Variants in BACE1 observed in about 807,000 individuals in gnomAD.
BACE1 encodes the protein beta-secretase 1.
A neutral mutation model predicts 54.0 loss-of-function variants in BACE1; 21 were observed. The observed-to-expected ratio is 0.39, with a 90% CI of 0.28 to 0.56. The LOEUF is 0.56. BACE1 is among the 20% of genes least tolerant of loss of function. BACE1 has a pLI of 0.63. For missense variants in BACE1, 511 were observed against 661.2 expected (o/e 0.77, Z 2.49); for synonymous variants, 232 against 260.9 (o/e 0.89, Z 1.07).
Position 117,315,461 on chromosome 11 carries a change from G to A in BACE1, c.261+74C>T. On this transcript the variant is annotated intron_variant, in intron 1 of 8. Coordinates refer to ENST00000313005, the MANE Select transcript of BACE1 (RefSeq NM_012104.6). The surrounding 1 kb of genome is among the most constrained non-coding windows in gnomAD (Gnocchi z 5.5). ...CACCAGCCCATTTGAGCAGGGGCTA[G>A]CTTGAGGCATCCCCATCCTGTCTCC... is the stretch of plus-strand genomic sequence containing the variant. 6.5e-7 allele frequency: 1 copy of A among 1,528,124 alleles called. No homozygotes were observed. Among genetic ancestry groups the A allele is most frequent in the Non-Finnish European group, 8.7e-7 (1 of 1,144,270 alleles). The allele number at this position is 1,528,124 out of a possible 1,614,324, so 94.7% of individuals were successfully genotyped here.
chr11:117,297,927 C>T (rs2034641101), intron 1 of BACE1, among the ~76,000 whole-genome samples: 1 of 152,198 alleles, frequency 6.6e-6, no homozygotes, highest in Admixed American at 6.5e-5. Flanking sequence ...CCTCTGACAG[C>T]CGACTCAAAA....
chr11:117,291,822 G>A lies in BACE1; in HGVS notation c.841-9C>T, dbSNP rs1212254420. 6.9e-6 allele frequency: 11 copies of A among 1,593,728 alleles called. No homozygotes were observed. The highest frequency in any genetic ancestry group is 1.7e-5 in the Admixed American group (1 of 59,892). ...CTCTTGTCATAGTTGTACTAAGAGG[G>A]AAAAGAGAGAGTTAAAAGAGTCAAA... On this transcript the variant is annotated splice_polypyrimidine_tract_variant and intron_variant, in intron 5 of 8. Coordinates refer to ENST00000313005, the MANE Select transcript of BACE1 (RefSeq NM_012104.6).
intron 1 of BACE1, among the ~76,000 whole-genome samples, chr11:117,307,190 A>T (rs1053326136): frequency 6.6e-6 from 1 of 152,200 alleles, no homozygotes; most frequent in Non-Finnish European, 1.5e-5. Context: ...TCCAGAACTC[A>T]GAAAATGTTC....
At chr11:117,296,735 T>C (rs2034609627) in intron 2 of BACE1, 138 bp downstream of exon 2, 1 of 648,420 alleles carries the variant, frequency 1.5e-6, no homozygotes, top group Non-Finnish European at 2.6e-6. Context: ...CTGGTCACTG[T>C]CTTTTTTTCG....
intron 5 of BACE1, chr11:117,292,134 A>T (rs1219115211): frequency 5.9e-6 from 1 of 169,060 alleles, no homozygotes; most frequent in Non-Finnish European, 1.3e-5. Context: ...GTAGTCTCCA[A>T]ACTTGAAAAT....
rs1042514798 is a variant in BACE1 at position 117,289,134 on chromosome 11, G to A, written c.*432C>T. 7 of 184,972 alleles carry A rather than the reference G, an allele frequency of 3.8e-5. No homozygotes were observed. The highest frequency in any genetic ancestry group is 1.4e-4 in the African/African-American group (6 of 43,102). The allele number at this position is 184,972 out of a possible 1,614,324, so 11.5% of individuals were successfully genotyped here. A position where few individuals can be genotyped will look rare whatever the true frequency, so the allele number is the denominator to read the frequency against. On this transcript the variant is annotated 3_prime_UTR_variant, in exon 9 of 9. Coordinates refer to ENST00000313005, the MANE Select transcript of BACE1 (RefSeq NM_012104.6). Reference sequence around the variant, plus strand: ...CCTCTCCTACTGACTTTGGCCAGCAGGGAAACAAGCTTGGTCTCTTCTCTG... The same window carrying A: ...CCTCTCCTACTGACTTTGGCCAGCAAGGAAACAAGCTTGGTCTCTTCTCTG...
chr11:117,301,280 G>A (rs1026895718), intron 1 of BACE1, among the ~76,000 whole-genome samples: 3 of 152,078 alleles, frequency 2.0e-5, no homozygotes, highest in Non-Finnish European at 4.4e-5. Flanking sequence ...CCCGACGCAC[G>A]CACCCAAGTG....
At chr11:117,290,274 AAC>A (rs1172380492) in intron 8 of BACE1, among the ~76,000 whole-genome samples, 2 of 152,164 alleles carry the variant, frequency 1.3e-5, no homozygotes, top group Non-Finnish European at 2.9e-5. Flanking sequence ...CTGGGTTTCC[AAC>A]AGAGGTTACC....
rs780531036 is a variant in BACE1 at position 117,289,778 on chromosome 11, C to G, written c.1294G>C (p.Glu432Gln). The change falls in exon 9 of 9, where the codon GAA becomes CAA. Residue 432 changes from glutamate (E) to glutamine (Q), a missense_variant. This residue lies in a region of BACE1 where 407 missense variants were observed against 565.7 expected (regional missense o/e 0.72). Coordinates refer to ENST00000313005, the MANE Select transcript of BACE1 (RefSeq NM_012104.6). The stretch of plus-strand genomic sequence containing the variant: ...ATGTCCAAGGTGACAAAAGGGCCTT[C>G]CACCGCTGCCGTCCTGAACTCATCG... ...VHDEFRTAAV[E>Q]GPFVTLDMED... 6.2e-7 allele frequency: 1 copy of G among 1,614,214 alleles called. No individual in the cohort carries two copies. Among genetic ancestry groups the G allele is most frequent in the East Asian group, 2.2e-5 (1 of 44,892 alleles).
At chr11:117,307,759 G>C (rs998614164) in intron 1 of BACE1, among the ~76,000 whole-genome samples, 1 of 152,044 alleles carries the variant, frequency 6.6e-6, no homozygotes, top group Non-Finnish European at 1.5e-5. Flanking sequence ...TTCTTTACTG[G>C]TCTGGGGAGT....
chr11:117,297,769 C>T (rs1172855133), intron 1 of BACE1, among the ~76,000 whole-genome samples: 1 of 152,164 alleles, frequency 6.6e-6, no homozygotes, highest in Admixed American at 6.5e-5. Context: ...TCTTTCAGAC[C>T]TTTAAACATG....
intron 2 of BACE1, among the ~76,000 whole-genome samples, 159 bp downstream of exon 2, chr11:117,296,714 C>T (rs1325127598): frequency 6.6e-6 from 1 of 152,172 alleles, no homozygotes; most frequent in Non-Finnish European, 1.5e-5. Context: ...ACCCACTTCA[C>T]CCTGTCTCTC....
chr11:117,299,787 C>A, intron 1 of BACE1: 1 of 285,420 alleles, frequency 3.5e-6, no homozygotes, highest in South Asian at 2.7e-5. Flanking sequence ...GGCTTCTTCA[C>A]CCACCCTCTC....
At chr11:117,309,679 G>T (rs942325501) in intron 1 of BACE1, among the ~76,000 whole-genome samples, 1 of 152,202 alleles carries the variant, frequency 6.6e-6, no homozygotes, top group Non-Finnish European at 1.5e-5. Flanking sequence ...AATGCATTTG[G>T]TTTTGTGTAA....
At chr11:117,302,726 C>CACGAA (rs2034751943) in intron 1 of BACE1, among the ~76,000 whole-genome samples, 2 of 152,110 alleles carry the variant, frequency 1.3e-5, no homozygotes, top group African/African-American at 2.4e-5. Flanking sequence ...CTATTAAAAA[C>CACGAA]ACGAAAAAAT....
rs572516883 is a variant in BACE1 at position 117,287,583 on chromosome 11, A to G, written c.*1983T>C. The G allele has an allele frequency of 3.9e-5, 6 of 152,644 alleles. No individual in the cohort carries two copies. Among genetic ancestry groups the G allele is most frequent in the African/African-American group, 1.4e-4 (6 of 41,576 alleles). 9.5% of individuals were successfully genotyped at this position (152,644 alleles called of 1,614,324 possible). ...AGGGGTTGAGTTTTATGCCCTGGAA[A>G]GGGCTGGGAAAAAGCCAGTTTTTCC... On this transcript the variant is annotated 3_prime_UTR_variant, in exon 9 of 9. Transcript: ENST00000313005.
chr11:117,300,769 C>T (rs931419082), intron 1 of BACE1, among the ~76,000 whole-genome samples: 5 of 152,132 alleles, frequency 3.3e-5, no homozygotes, highest in South Asian at 4.1e-4. Context: ...CTTCCTTGGC[C>T]CTTTTCCCTC....
At chr11:117,304,757 C>A (rs1261113820) in intron 1 of BACE1, among the ~76,000 whole-genome samples, 1 of 152,208 alleles carries the variant, frequency 6.6e-6, no homozygotes, top group Non-Finnish European at 1.5e-5. Flanking sequence ...GCTTCTTTGT[C>A]TACCACTCAC....
chr11:117,294,134 G>C (rs2034533355), intron 3 of BACE1, 126 bp from the exon 4 acceptor site: 2 of 1,120,348 alleles, frequency 1.8e-6, no homozygotes, highest in Non-Finnish European at 2.5e-6. Context: ...CCATCTTAAG[G>C]CACTGAGATT....
Sources: allele counts gnomAD v4.1 joint callset (sites outside exome capture counted in the v4.1 genomes callset), GRCh38; gene constraint gnomAD v4.1.1; regional missense constraint gnomAD v4.1.1; non-coding constraint Gnocchi (gnomAD v3.1); transcripts MANE v1.5; gene names NCBI Gene and HGNC (gene_info 2026-07-23, HGNC 2026-07-21).